VWA3A: variants seen among roughly 807,000 people sequenced by gnomAD.
The protein encoded by VWA3A is von Willebrand factor A domain containing 3A, also known as von Willebrand factor A domain-containing protein 3A.
In VWA3A, 134 loss-of-function variants were observed where a neutral mutation model predicts 160.4. The observed-to-expected ratio is 0.84, with a 90% confidence interval of 0.73 to 0.96. The LOEUF (loss-of-function observed/expected upper bound fraction) is 0.96, where lower values mean the gene tolerates loss of function less well. Ranked by LOEUF, VWA3A falls within the 40% of genes least tolerant of loss-of-function variation. The pLI is 0.00. For synonymous variants in VWA3A, 476 were observed against 543.4 expected, an observed-to-expected ratio of 0.88 and a Z score of 1.72; for missense variants, 1,310 against 1,447.9, an observed-to-expected ratio of 0.90 and a Z score of 1.55.
intron 5 of VWA3A, 130 bp from the exon 6 acceptor site, chr16:22,103,345 C>T (rs147339120): frequency 2.4e-6 from 2 of 819,440 alleles, no homozygotes; most frequent in Non-Finnish European, 3.8e-6. Flanking sequence ...AGGTTCACCA[C>T]CTTCTTCCAA....
chr16:22,144,406 C>A (rs780589593), intron 26 of VWA3A, 22 bp downstream of exon 26: 2 of 1,609,924 alleles, frequency 1.2e-6, no homozygotes, highest in Non-Finnish European at 1.7e-6. Flanking sequence ...TTTTCATCAT[C>A]GTCTTTTTTT....
At position 22,133,072 on chromosome 16, in the gene VWA3A, G is replaced by A. The variant is rs774229691; in HGVS notation, c.2045G>A (p.Arg682His). 3.4e-5 allele frequency: 55 copies of A among 1,612,976 alleles called. No individual in the cohort carries two copies. Among genetic ancestry groups the A allele is most frequent in the Admixed American group, 6.7e-5 (4 of 59,846 alleles). ...YKEVTRAAGG[R>H]FHWFGDTGIY... ...GAGGTCACCCGGGCTGCAGGTGGCC[G>A]CTTCCACTGGTTTGGAGACACAGGT... is the stretch of plus-strand genomic sequence containing the variant. The change falls in exon 20 of 34, where the codon CGC becomes CAC. Residue 682 changes from arginine to histidine, a missense_variant. Arg to His is a conservative substitution (Grantham distance 29, BLOSUM62 0). Coordinates refer to ENST00000389398, the MANE Select transcript of VWA3A (RefSeq NM_173615.5).
At chr16:22,142,626 A>C (rs1351739013) in intron 24 of VWA3A, 42 bp from the exon 25 acceptor site, 1 of 1,481,246 alleles carries the variant, frequency 6.8e-7, no homozygotes, top group Non-Finnish European at 9.2e-7. Context: ...CAGGGGCTCA[A>C]CCATCCAAAC....
chr16:22,121,949 T>A (rs554388708), intron 14 of VWA3A, among the ~76,000 whole-genome samples: 8 of 152,296 alleles, frequency 5.3e-5, no homozygotes, highest in African/African-American at 1.9e-4. Flanking sequence ...AAAGGATTAA[T>A]GCATGAATTT....
At chr16:22,130,881 A>T (rs28482072) in intron 17 of VWA3A, among the ~76,000 whole-genome samples, 2,942 of 151,964 alleles carry the variant, frequency 0.019, 42 homozygotes, top group Non-Finnish European at 0.03. Flanking sequence ...AAAAAAAAAA[A>T]ACAAACTATA....
Position 22,097,688 on chromosome 16 carries a change from A to G in VWA3A, c.218A>G (p.Asp73Gly). 6.4e-7 allele frequency: 1 copy of G among 1,551,642 alleles called. No individual in the cohort carries two copies. Among genetic ancestry groups the G allele is most frequent in the Non-Finnish European group, 8.7e-7 (1 of 1,146,934 alleles). Residue 73 changes from aspartate to glycine, a missense_variant, in exon 3 of 34, where the codon GAC becomes GGC. By Grantham distance (94) the Asp-to-Gly change is moderately conservative. Coordinates refer to ENST00000389398, the MANE Select transcript of VWA3A (RefSeq NM_173615.5). ...LLVTHVNQTQ[D>G]LLRLQGSETQ... ...GTTACACATGTTAACCAGACACAGG[A>G]CTTACTGGTAAAGACCATGGCACTT... is the stretch of plus-strand genomic sequence containing the variant.
At chr16:22,100,137 A>AC (rs1459145476) in intron 3 of VWA3A, 57 bp from the exon 4 acceptor site, 2 of 1,486,992 alleles carry the variant, frequency 1.3e-6, no homozygotes, top group African/African-American at 2.8e-5. Context: ...TGTGAAGGGA[A>AC]CCTCTTCCTT....
intron 23 of VWA3A, chr16:22,141,148 G>T: frequency 2.2e-6 from 1 of 457,060 alleles, no homozygotes; most frequent in Non-Finnish European, 4.4e-6. Context: ...CAATCTTAAT[G>T]AAAGTACTCA....
Position 22,150,726 on chromosome 16 carries a change from T to C in VWA3A, c.3161T>C (p.Leu1054Ser), listed in dbSNP as rs765302635. The change falls in exon 30 of 34, where the codon TTG becomes TCG. Residue 1054 changes from leucine (L) to serine (S), a missense_variant. By Grantham distance (145) the Leu-to-Ser change is moderately radical. Coordinates refer to ENST00000389398, the MANE Select transcript of VWA3A (RefSeq NM_173615.5). ...KAFSFHDLEG[L>S]YLLTDGKPDT... ...TTCAGTTTCCATGATCTGGAAGGAT[T>C]GTACCTCCTGACCGACGGAAAGCCA... The C allele has an allele frequency of 6.2e-7, 1 of 1,611,262 alleles. No individual in the cohort carries two copies. The highest frequency in any genetic ancestry group is 8.5e-7 in the Non-Finnish European group (1 of 1,178,732).
intron 6 of VWA3A, among the ~76,000 whole-genome samples, chr16:22,108,135 C>T (rs2045506526): frequency 6.6e-6 from 1 of 152,090 alleles, no homozygotes. Context: ...AAGGTGAGAA[C>T]CTAACTTGAA....
Position 22,155,882 on chromosome 16 carries a change from C to A in VWA3A, c.3535C>A (p.Pro1179Thr), listed in dbSNP as rs769324559. ...ACTCCAGAAGAAAAATGATGCAGAA[C>A]CAAAGGTCACTCTTTCCTAGAGAAG... ...SQLQKKNDAE[P>T]KVTLS Residue 1179 changes from proline to threonine, a missense_variant, in exon 33 of 34, where the codon CCA (proline) becomes ACA (threonine). Transcript: ENST00000389398. 1.2e-6 allele frequency: 2 copies of A among 1,613,970 alleles called. No homozygotes were observed. The highest frequency in any genetic ancestry group is 4.5e-5 in the East Asian group (2 of 44,876).
intron 3 of VWA3A, among the ~76,000 whole-genome samples, chr16:22,097,925 C>A (rs1170518560): frequency 6.6e-6 from 1 of 152,136 alleles, no homozygotes; most frequent in Admixed American, 6.5e-5. Context: ...TATTCAGGAG[C>A]ATGTGAAGAC....
Position 22,141,286 on chromosome 16 carries a change from A to G in VWA3A, c.2384-296A>G, listed in dbSNP as rs1340460500. 5 of 565,056 alleles carry G rather than the reference A, an allele frequency of 8.8e-6. No homozygotes were observed. The Admixed American group carries it at 1.1e-4, about 12-fold the overall frequency. 35.0% of individuals were successfully genotyped at this position (565,056 alleles called of 1,614,324 possible). A position where few individuals can be genotyped will look rare whatever the true frequency, so the allele number is the denominator to read the frequency against. ...CCCTGCCTCTTACTGGTGGATTCCC[A>G]CTTACCTTATCTGTAAACTGGGGGA... is the stretch of plus-strand genomic sequence containing the variant. On this transcript the variant is annotated intron_variant, in intron 23 of 33. Coordinates refer to ENST00000389398, the MANE Select transcript of VWA3A (RefSeq NM_173615.5).
intron 28 of VWA3A, among the ~76,000 whole-genome samples, chr16:22,149,418 C>A (rs1436487208): frequency 6.6e-6 from 1 of 151,990 alleles, no homozygotes; most frequent in Admixed American, 6.6e-5. Context: ...TTTTAAAAAT[C>A]TTTTTCGTAG....
chr16:22,133,060 C>T lies in VWA3A; in HGVS notation c.2033C>T (p.Ala678Val). 1 of 1,613,676 alleles carries T rather than the reference C, an allele frequency of 6.2e-7. No homozygotes were observed. Among genetic ancestry groups the T allele is most frequent in the Non-Finnish European group, 8.5e-7 (1 of 1,179,774 alleles). The stretch of plus-strand genomic sequence containing the variant: ...GCCGCCTACAAGGAGGTCACCCGGG[C>T]TGCAGGTGGCCGCTTCCACTGGTTT... ...TAAAYKEVTR[A>V]AGGRFHWFGD... Residue 678 changes from alanine to valine, a missense_variant, in exon 20 of 34, where the codon GCT becomes GTT. Transcript: ENST00000389398.
chr16:22,148,195 GC>G lies in VWA3A; in HGVS notation c.2874del (p.Ser958ArgfsTer20), dbSNP rs1337683658. 2 of 1,603,640 alleles carry G rather than the reference GC, an allele frequency of 1.2e-6. No individual in the cohort carries two copies. The highest frequency in any genetic ancestry group is 2.3e-5 in the South Asian group (2 of 88,558). ...CGACTGTTTGGCACCGTTTTGGAGA[GC>G]AAAGTATGCATATTGCTGGACACGT... ...SRRLFGTVLE[S>X]KVCILLDTSG... On this transcript the variant is annotated frameshift_variant, in exon 28 of 34. Transcript: ENST00000389398. LOFTEE classifies it high-confidence loss of function.
At chr16:22,147,417 A>G (rs375707074) in intron 27 of VWA3A, among the ~76,000 whole-genome samples, 17 of 152,242 alleles carry the variant, frequency 1.1e-4, no homozygotes, top group African/African-American at 4.1e-4. Context: ...GCCCAAGAAG[A>G]CAGGCAGACA....
rs969345601 is a variant in VWA3A at position 22,110,956 on chromosome 16, G to C, written c.651G>C (p.Gly217=). 1 of 1,610,348 alleles carries C rather than the reference G, an allele frequency of 6.2e-7. No individual in the cohort carries two copies. The highest frequency in any genetic ancestry group is 1.3e-5 in the African/African-American group (1 of 74,994). The change falls in exon 8 of 34, where the codon GGG becomes GGC. Residue 217 remains glycine (G), a synonymous_variant. Transcript: ENST00000389398. ...LFVLSFGTNA[G]SLWPDPMEVS... Reference sequence around the variant, plus strand: ...TCCTGTCCTTTGGCACCAATGCCGGGTCCCTCTGGCCAGACCCCATGGAAG... The same window carrying C: ...TCCTGTCCTTTGGCACCAATGCCGGCTCCCTCTGGCCAGACCCCATGGAAG...
chr16:22,149,395 T>A (rs2046308805), intron 28 of VWA3A, among the ~76,000 whole-genome samples: 2 of 152,118 alleles, frequency 1.3e-5, no homozygotes, highest in South Asian at 4.1e-4. Flanking sequence ...CACACCACCA[T>A]GCCTGGCTAA....
Sources: gnomAD v4.1 joint callset for allele counts (sites outside exome capture counted in the v4.1 genomes callset) on GRCh38, gnomAD v4.1.1 for gene constraint, MANE v1.5 for transcripts, NCBI Gene and HGNC (gene_info 2026-07-23, HGNC 2026-07-21) for gene names.